MEIS2: variants seen among roughly 807,000 people sequenced by gnomAD.
MEIS2 encodes the protein homeobox protein Meis2.
A neutral mutation model predicts 58.6 loss-of-function variants in MEIS2; 9 were observed. That is an observed-to-expected ratio of 0.15 (90% CI 0.09 to 0.27). The LOEUF is 0.27. MEIS2 is among the 10% of genes least tolerant of loss of function. The probability of loss-of-function intolerance (pLI) is 1.00; values close to 1 mark genes in which losing one functional copy is unlikely to be tolerated. For missense variants in MEIS2, 427 were observed against 635.0 expected (o/e 0.67, Z 3.52); for synonymous variants, 221 against 228.4 (o/e 0.97, Z 0.29).
chr15:36,945,938 C>G (rs2058549180), intron 9 of MEIS2, among the ~76,000 whole-genome samples: 1 of 151,916 alleles, frequency 6.6e-6, no homozygotes, highest in Admixed American at 6.6e-5. Context: ...ATAAGTCACC[C>G]TGTGTGTTGT....
chr15:37,062,834 T>G (rs576573227), intron 7 of MEIS2, among the ~76,000 whole-genome samples: 1 of 152,346 alleles, frequency 6.6e-6, no homozygotes, highest in African/African-American at 2.4e-5. Flanking sequence ...GCCTTAATCA[T>G]CATCCTGTTC....
At chr15:36,982,017 C>A (rs565274238) in intron 8 of MEIS2, among the ~76,000 whole-genome samples, 1 of 152,102 alleles carries the variant, frequency 6.6e-6, no homozygotes, top group Admixed American at 6.6e-5. Context: ...CCTGGTTCTC[C>A]GGCCTTTGGA....
chr15:36,925,974 A>G (rs2057730698), intron 9 of MEIS2, among the ~76,000 whole-genome samples: 2 of 152,230 alleles, frequency 1.3e-5, no homozygotes, highest in African/African-American at 4.8e-5. Flanking sequence ...GTGCCAAGAT[A>G]CATTAAGCTG....
At chr15:37,044,579 T>C (rs1452899234) in intron 7 of MEIS2, among the ~76,000 whole-genome samples, 7 of 152,194 alleles carry the variant, frequency 4.6e-5, no homozygotes, top group Non-Finnish European at 8.8e-5. Flanking sequence ...CTGTTGGCCT[T>C]GAATGCCCTT....
chr15:37,070,512 A>G (rs1890559339), intron 7 of MEIS2, among the ~76,000 whole-genome samples: 1 of 152,194 alleles, frequency 6.6e-6, no homozygotes. Flanking sequence ...CTTGAAATGC[A>G]TATTAGCAAA....
chr15:36,932,620 T>C (rs551600345), intron 9 of MEIS2, among the ~76,000 whole-genome samples: 1 of 152,280 alleles, frequency 6.6e-6, no homozygotes, highest in East Asian at 1.9e-4. Flanking sequence ...AGAGGGTCCA[T>C]TGAAGGGCCC....
At position 36,964,070 on chromosome 15, in the gene MEIS2, G is replaced by A. The variant is rs1404976981; in HGVS notation, c.901-13670C>T. Among the ~76,000 whole-genome samples, 5 of 152,206 alleles carry A rather than the reference G, an allele frequency of 3.3e-5. No homozygotes were observed. The South Asian group carries it at 8.3e-4, about 25-fold the overall frequency. On this transcript the variant is annotated intron_variant, in intron 8 of 11. Transcript: ENST00000561208. ...GAAATATCCTAAGTTGAATCATGAA[G>A]GGAATTTGCTGTTCGCTAAAGTGAG...
chr15:37,005,765 C>T (rs2060900031), intron 8 of MEIS2, among the ~76,000 whole-genome samples: 1 of 152,102 alleles, frequency 6.6e-6, no homozygotes, highest in South Asian at 2.1e-4. Context: ...TGTCATGTTG[C>T]CCAGGCTGGT....
chr15:36,897,473 C>T (rs1437901235), intron 9 of MEIS2: 1 of 152,202 alleles, frequency 6.6e-6, no homozygotes, highest in Non-Finnish European at 1.5e-5. Context: ...TCTAAGAAGC[C>T]TGGATCTAAT....
At chr15:36,967,361 G>T (rs998366372) in intron 8 of MEIS2, among the ~76,000 whole-genome samples, 1 of 152,036 alleles carries the variant, frequency 6.6e-6, no homozygotes, top group South Asian at 2.1e-4. Flanking sequence ...TCTTCAGCTG[G>T]GACACACATA....
intron 8 of MEIS2, among the ~76,000 whole-genome samples, chr15:36,985,385 C>A (rs1033059723): frequency 6.6e-6 from 1 of 152,230 alleles, no homozygotes; most frequent in South Asian, 2.1e-4. Flanking sequence ...CTTCTGTTTG[C>A]TTTTTATCTT....
At chr15:37,098,443 A>C in intron 1 of MEIS2, 3 of 1,169,120 alleles carry the variant, frequency 2.6e-6, no homozygotes, top group Non-Finnish European at 1.1e-6. Context: ...AATAAAAACA[A>C]AGTCAGAAAG....
chr15:36,953,478 C>T (rs1299068872), intron 8 of MEIS2, among the ~76,000 whole-genome samples: 1 of 152,208 alleles, frequency 6.6e-6, no homozygotes, highest in Non-Finnish European at 1.5e-5. Context: ...TTAGTCTGTT[C>T]ACTGTTGGGG....
At chr15:36,915,335 C>G (rs904015009) in intron 9 of MEIS2, among the ~76,000 whole-genome samples, 3 of 152,162 alleles carry the variant, frequency 2.0e-5, no homozygotes, top group African/African-American at 7.2e-5. Context: ...AGGTATTCTA[C>G]TGTTCAGCTG....
chr15:37,081,454 T>C (rs143492023), intron 7 of MEIS2, among the ~76,000 whole-genome samples: 1 of 152,318 alleles, frequency 6.6e-6, no homozygotes, highest in East Asian at 1.9e-4. Context: ...CCACTGAAAC[T>C]ACTCTGGACA....
chr15:36,954,881 T>C (rs1373329206), intron 8 of MEIS2, among the ~76,000 whole-genome samples: 1 of 152,216 alleles, frequency 6.6e-6, no homozygotes, highest in African/African-American at 2.4e-5. Context: ...TTTGCTCCCC[T>C]CCAAGGCATA....
chr15:36,954,536 A>G (rs910369462), intron 8 of MEIS2, among the ~76,000 whole-genome samples: 2 of 150,802 alleles, frequency 1.3e-5, no homozygotes, highest in Non-Finnish European at 3.0e-5. Context: ...TTAAGAAACT[A>G]TAGTCACTTA....
intron 8 of MEIS2, among the ~76,000 whole-genome samples, chr15:36,996,040 C>T (rs1567160315): frequency 4.3e-4 from 45 of 105,064 alleles, no homozygotes; most frequent in African/African-American, 1.1e-3. Flanking sequence ...TATACACACA[C>T]ACACACATAT....
chr15:37,000,128 T>C (rs181229936), intron 8 of MEIS2, among the ~76,000 whole-genome samples: 5 of 152,336 alleles, frequency 3.3e-5, no homozygotes, highest in Admixed American at 3.3e-4. Flanking sequence ...AATCACCTCA[T>C]TATTATAGCC....
Sources: gnomAD v4.1 joint callset for allele counts (sites outside exome capture counted in the v4.1 genomes callset) on GRCh38, gnomAD v4.1.1 for gene constraint, MANE v1.5 for transcripts, NCBI Gene and HGNC (gene_info 2026-07-23, HGNC 2026-07-21) for gene names.